STK26: variants seen among roughly 807,000 people sequenced by gnomAD.
The protein encoded by STK26 is serine/threonine-protein kinase 26.
A neutral mutation model predicts 34.7 loss-of-function variants in STK26; 14 were observed. The ratio of observed to expected loss-of-function variants is 0.40; its 90% CI spans 0.27 to 0.63. The LOEUF is 0.63. Ranked by LOEUF, STK26 falls within the 30% of genes least tolerant of loss-of-function variation. STK26 has a pLI of 0.38. For synonymous variants in STK26, 100 were observed against 109.8 expected (o/e 0.91, Z 0.56); for missense variants, 226 against 309.1 (o/e 0.73, Z 2.02).
At chrX:132,052,271 A>G (rs1004352915) in intron 2 of STK26, among the ~76,000 whole-genome samples, 3 of 111,585 alleles carry the variant, frequency 2.7e-5, no homozygotes, top group Non-Finnish European at 3.8e-5. Flanking sequence ...TAACTTTTGT[A>G]TTATCTATCA....
chrX:132,046,110 G>C (rs1015898340), intron 2 of STK26, among the ~76,000 whole-genome samples: 1 of 111,945 alleles, frequency 8.9e-6, no homozygotes, highest in Non-Finnish European at 1.9e-5. Flanking sequence ...TAGAATCAAA[G>C]AAATGTCTCA....
chrX:132,035,790 A>G (rs1926019889), intron 2 of STK26, among the ~76,000 whole-genome samples: 1 of 101,885 alleles, frequency 9.8e-6, no homozygotes, highest in African/African-American at 3.6e-5. Flanking sequence ...CCCCCCCTCA[A>G]AAAAAAAAAC....
At chrX:132,062,993 T>C (rs1927104498) in intron 3 of STK26, among the ~76,000 whole-genome samples, 1 of 111,205 alleles carries the variant, frequency 9.0e-6, no homozygotes, top group Non-Finnish European at 1.9e-5. Context: ...ACAAAGAAGG[T>C]GTAAATATTT....
chrX:132,068,672 G>A (rs774999738), intron 6 of STK26, 103 bp downstream of exon 6: 3 of 880,969 alleles, frequency 3.4e-6, no homozygotes, highest in Admixed American at 6.6e-5. Flanking sequence ...TTTCACAAGT[G>A]TTTCTTAAGC....
At chrX:132,069,751 A>G in intron 7 of STK26, 88 bp downstream of exon 7, 1 of 581,360 alleles carries the variant, frequency 1.7e-6, no homozygotes, top group Non-Finnish European at 2.4e-6. Flanking sequence ...TAGGGAATAC[A>G]GTGTATGTGA....
At chrX:132,032,793 C>T (rs1243898513) in intron 2 of STK26, among the ~76,000 whole-genome samples, 1 of 111,017 alleles carries the variant, frequency 9.0e-6, no homozygotes, top group African/African-American at 3.3e-5. Context: ...AATTTGAAAT[C>T]CACACCACAC....
intron 3 of STK26, among the ~76,000 whole-genome samples, chrX:132,055,303 A>G (rs1926817896): frequency 8.9e-6 from 1 of 112,574 alleles, no homozygotes; most frequent in Non-Finnish European, 1.9e-5. Flanking sequence ...CCTTCATAGC[A>G]GGGAGTTTAG....
intron 3 of STK26, among the ~76,000 whole-genome samples, chrX:132,056,185 G>A (rs191981221): frequency 4.5e-5 from 5 of 112,266 alleles, no homozygotes; most frequent in Non-Finnish European, 7.5e-5. Flanking sequence ...GGAAACTACT[G>A]TGTTCTTTTG....
At chrX:132,041,893 A>G (rs1219136327) in intron 2 of STK26, among the ~76,000 whole-genome samples, 1 of 112,087 alleles carries the variant, frequency 8.9e-6, no homozygotes, top group South Asian at 3.7e-4. Flanking sequence ...CTTTATATTT[A>G]TATTAGCAAA....
chrX:132,058,549 C>T (rs766178966), intron 3 of STK26, among the ~76,000 whole-genome samples: 31 of 111,349 alleles, frequency 2.8e-4, no homozygotes, highest in African/African-American at 9.8e-4. Flanking sequence ...TGAGTGACAG[C>T]TCTATCTTCT....
Position 132,072,834 on chromosome X carries a change from C to G in STK26, c.1048C>G (p.Leu350Val), listed in dbSNP as rs1927460953. 1 of 1,209,213 alleles carries G rather than the reference C, an allele frequency of 8.3e-7. No homozygotes were observed. The highest frequency in any genetic ancestry group is 1.1e-6 in the Non-Finnish European group (1 of 894,410). The stretch of plus-strand genomic sequence containing the variant: ...AAAGGAGCAAGATCTTGTGCAAACC[C>G]TGAGTTGTTTGTCTATGATAATCAC... ...NGAEQDLVQT[L>V]SCLSMIITPA... Residue 350 changes from leucine (L) to valine (V), a missense_variant, in exon 10 of 12, where the codon CTG becomes GTG. Transcript: ENST00000394334.
intron 2 of STK26, among the ~76,000 whole-genome samples, chrX:132,032,287 C>T (rs1048591729): frequency 1.8e-5 from 2 of 112,134 alleles, no homozygotes; most frequent in African/African-American, 6.5e-5. Flanking sequence ...TAGAACAAAA[C>T]TGTGGTTCAT....
rs1488608470 is a variant in STK26 at position 132,023,587 on chromosome X, G to A, written c.-31G>A. On this transcript the variant is annotated 5_prime_UTR_variant, in exon 2 of 12. Coordinates refer to ENST00000394334, the MANE Select transcript of STK26 (RefSeq NM_016542.4). Reference sequence around the variant, plus strand: ...AGTCCGAACCCAAGGCGCCACCGCCGCAGAAGCGGAGCGAGGCAGCATTCG... The same window carrying A: ...AGTCCGAACCCAAGGCGCCACCGCCACAGAAGCGGAGCGAGGCAGCATTCG... 1.7e-6 allele frequency: 2 copies of A among 1,168,708 alleles called. No individual in the cohort carries two copies. Among genetic ancestry groups the A allele is most frequent in the South Asian group, 3.8e-5 (2 of 52,905 alleles).
intron 2 of STK26, among the ~76,000 whole-genome samples, chrX:132,050,573 G>C (rs1395369776): frequency 8.9e-6 from 1 of 111,828 alleles, no homozygotes; most frequent in Non-Finnish European, 1.9e-5. Flanking sequence ...TCTTTGATCT[G>C]TGTTTGGTTG....
intron 7 of STK26, 27 bp downstream of exon 7, chrX:132,069,690 T>C (rs1237328638): frequency 5.1e-6 from 5 of 971,025 alleles, no homozygotes; most frequent in Non-Finnish European, 6.7e-6. Context: ...ATTATTACTA[T>C]TTGTTTTCTA....
intron 2 of STK26, among the ~76,000 whole-genome samples, chrX:132,036,014 C>T (rs1390669463): frequency 9.0e-6 from 1 of 111,583 alleles, no homozygotes; most frequent in Non-Finnish European, 1.9e-5. Flanking sequence ...CTGAAATATT[C>T]TCTATACCTG....
chrX:132,034,292 CTTTTTTT>C (rs561602079), intron 2 of STK26, among the ~76,000 whole-genome samples: 5 of 41,379 alleles, frequency 1.2e-4, no homozygotes, highest in Admixed American at 5.2e-4. Context: ...GACATTTATT[CTTTTTTT>C]TTTTTTTTTT....
chrX:132,069,109 G>A (rs1927313808), intron 6 of STK26, among the ~76,000 whole-genome samples: 1 of 109,414 alleles, frequency 9.1e-6, no homozygotes, highest in African/African-American at 3.3e-5. Context: ...TTTCTTCACA[G>A]AAGTTAGCAC....
At chrX:132,044,776 TATATATATATTTATATATATAGAGAGAG>T (rs1926423359) in intron 2 of STK26, among the ~76,000 whole-genome samples, 1 of 41,073 alleles carries the variant, frequency 2.4e-5, no homozygotes, top group Non-Finnish European at 4.4e-5. Flanking sequence ...TAGAGAGATC[TATATATATATTTATATATATAGAGAGAG>T]ATCTATATAT....
Sources: allele counts gnomAD v4.1 joint callset (sites outside exome capture counted in the v4.1 genomes callset), GRCh38; gene constraint gnomAD v4.1.1; transcripts MANE v1.5; gene names NCBI Gene and HGNC (gene_info 2026-07-23, HGNC 2026-07-21).